SPDYA: variants seen among roughly 807,000 people sequenced by gnomAD.
The protein encoded by SPDYA is speedy/RINGO cell cycle regulator family member A.
A neutral mutation model predicts 36.7 loss-of-function variants in SPDYA; 11 were observed. The ratio of observed to expected loss-of-function variants is 0.30; its 90% confidence interval spans 0.19 to 0.50. SPDYA has a LOEUF of 0.50. Among genes scored for constraint, SPDYA ranks in the 20% least tolerant of loss-of-function variants. The pLI is 0.98. For missense variants in SPDYA, 287 were observed against 370.9 expected (o/e 0.77, Z 1.86); for synonymous variants, 115 against 118.7 (o/e 0.97, Z 0.20).
chr2:28,814,506 CTGTTT>C (rs923932234), intron 1 of SPDYA, 102 bp from the exon 2 acceptor site: 11 of 152,170 alleles, frequency 7.2e-5, no homozygotes, highest in African/African-American at 2.4e-4. Flanking sequence ...GTAATTTTAT[CTGTTT>C]TGTTTTGTAA....
intron 4 of SPDYA, among the ~76,000 whole-genome samples, chr2:28,820,936 T>C (rs865782991): frequency 5.3e-5 from 8 of 152,180 alleles, no homozygotes; most frequent in Non-Finnish European, 7.3e-5. Flanking sequence ...AGAGCCTCCA[T>C]ATGCATCTCA....
intron 3 of SPDYA, 149 bp from the exon 4 acceptor site, chr2:28,818,899 G>A: frequency 1.7e-6 from 1 of 581,994 alleles, no homozygotes; most frequent in African/African-American, 1.9e-5. Context: ...ATACACCAAA[G>A]AACTGAAAAC....
chr2:28,830,152 C>T (rs1281307499), intron 6 of SPDYA, among the ~76,000 whole-genome samples: 1 of 148,680 alleles, frequency 6.7e-6, no homozygotes, highest in Non-Finnish European at 1.5e-5. Context: ...AACAAACAAA[C>T]AAATTGTCAT....
At chr2:28,814,507 T>G (rs1354666693) in intron 1 of SPDYA, 106 bp from the exon 2 acceptor site, 8 of 152,194 alleles carry the variant, frequency 5.3e-5, no homozygotes, top group African/African-American at 1.9e-4. Context: ...TAATTTTATC[T>G]GTTTTGTTTT....
Position 28,829,164 on chromosome 2 carries a change from G to C in SPDYA, c.397G>C (p.Val133Leu). 1 of 1,613,560 alleles carries C rather than the reference G, an allele frequency of 6.2e-7. No homozygotes were observed. Among genetic ancestry groups the C allele is most frequent in the Non-Finnish European group, 8.5e-7 (1 of 1,179,892 alleles). ...FFIALYLANT[V>L]EEDEEETKYE... ...CTTTGTTAGGTATCTGGCTAATACA[G>C]TTGAAGAAGATGAAGAAGAAACCAA... is the stretch of plus-strand genomic sequence containing the variant. Residue 133 changes from valine to leucine, a missense_variant, in exon 6 of 8, where the codon GTT becomes CTT. Transcript: ENST00000334056.
In SPDYA at chr2:28,835,129, G is replaced by A. The variant is rs112791003; in HGVS notation, c.553-5043G>A. ...AGGCTGCCAGCTGCAGTGTGCAATC[G>A]TAGCTCACTGCAACCTTGAACTCCT... On this transcript the variant is annotated intron_variant, in intron 6 of 7. Coordinates refer to ENST00000334056, the MANE Select transcript of SPDYA (RefSeq NM_182756.4). 6.5e-3 allele frequency among the ~76,000 whole-genome samples: 986 copies of A among 151,880 alleles called. 9 individuals are homozygous for A. Among genetic ancestry groups the A allele is most frequent in the African/African-American group, 0.018 (759 of 41,406 alleles).
At chr2:28,834,892 G>T (rs1190483948) in intron 6 of SPDYA, among the ~76,000 whole-genome samples, 2 of 152,160 alleles carry the variant, frequency 1.3e-5, no homozygotes, top group African/African-American at 4.8e-5. Context: ...ATTAAAAGTA[G>T]TTCCTCCCAC....
chr2:28,835,579 A>G (rs1668577425), intron 6 of SPDYA, among the ~76,000 whole-genome samples: 3 of 152,238 alleles, frequency 2.0e-5, no homozygotes, highest in Admixed American at 2.0e-4. Flanking sequence ...TGCCTGGCAC[A>G]TAGTGGGTAG....
intron 7 of SPDYA, among the ~76,000 whole-genome samples, chr2:28,841,560 T>C (rs1668750563): frequency 1.3e-5 from 2 of 152,184 alleles, no homozygotes; most frequent in Admixed American, 6.5e-5. Context: ...AATTCTATCA[T>C]GAGAAATTAA....
At chr2:28,816,342 A>G (rs1467843029) in intron 3 of SPDYA, 93 bp downstream of exon 3, 1 of 970,962 alleles carries the variant, frequency 1.0e-6, no homozygotes, top group Admixed American at 3.4e-5. Context: ...CAAAGAGGAT[A>G]TCATTATTTT....
chr2:28,825,410 A>G (rs1668291984), intron 5 of SPDYA, among the ~76,000 whole-genome samples: 1 of 152,210 alleles, frequency 6.6e-6, no homozygotes, highest in South Asian at 2.1e-4. Flanking sequence ...ATGTTGTATT[A>G]TGTAAGCTCC....
At chr2:28,826,949 CTTTT>C in intron 5 of SPDYA, among the ~76,000 whole-genome samples, 1 of 113,818 alleles carries the variant, frequency 8.8e-6, no homozygotes, top group African/African-American at 3.4e-5. Context: ...TCTTTTCTTT[CTTTT>C]TTTTTTTTTT....
Position 28,816,170 on chromosome 2 carries a change from T to G in SPDYA, c.156T>G (p.Asn52Lys). 2 of 1,614,008 alleles carry G rather than the reference T, an allele frequency of 1.2e-6. No homozygotes were observed. Among genetic ancestry groups the G allele is most frequent in the African/African-American group, 2.7e-5 (2 of 75,056 alleles). ...AAGCATTTGAAAAAAATACACATAA[T>G]AACAACAAATCTAAACGCCCCAAAG... ...NWQAFEKNTH[N>K]NNKSKRPKGP... Residue 52 changes from asparagine (N) to lysine (K), a missense_variant, in exon 3 of 8, where the codon AAT (asparagine) becomes AAG (lysine). Asn to Lys is a moderately conservative substitution (Grantham distance 94). Coordinates refer to ENST00000334056, the MANE Select transcript of SPDYA (RefSeq NM_182756.4).
intron 7 of SPDYA, among the ~76,000 whole-genome samples, chr2:28,848,625 CCT>C (rs1324421435): frequency 2.6e-5 from 4 of 152,068 alleles, no homozygotes; most frequent in African/African-American, 9.7e-5. Context: ...TTTAAAATGT[CCT>C]ACGTTCTATA....
At chr2:28,825,462 AATC>A (rs1668293350) in intron 5 of SPDYA, among the ~76,000 whole-genome samples, 1 of 152,164 alleles carries the variant, frequency 6.6e-6, no homozygotes, top group African/African-American at 2.4e-5. Flanking sequence ...TTTTAAGACT[AATC>A]ATACTTTTTG....
At chr2:28,841,645 A>G (rs966535109) in intron 7 of SPDYA, among the ~76,000 whole-genome samples, 1 of 152,326 alleles carries the variant, frequency 6.6e-6, no homozygotes, top group Admixed American at 6.5e-5. Context: ...CTGAAGCTTT[A>G]CTAAAGGAGA....
chr2:28,845,275 T>C (rs967353359), intron 7 of SPDYA, among the ~76,000 whole-genome samples: 2 of 150,664 alleles, frequency 1.3e-5, no homozygotes, highest in Non-Finnish European at 3.0e-5. Flanking sequence ...CTTTTTTTTT[T>C]TGTAGAGACT....
chr2:28,816,951 A>G (rs910810403), intron 3 of SPDYA, among the ~76,000 whole-genome samples: 1 of 152,086 alleles, frequency 6.6e-6, no homozygotes, highest in Non-Finnish European at 1.5e-5. Context: ...GGAGTAATGA[A>G]TCAAGTCAAG....
chr2:28,819,838 AAAAAAAAAAAAATATATATATATATATAT>A (rs1271874655), intron 4 of SPDYA, among the ~76,000 whole-genome samples: 8 of 49,600 alleles, frequency 1.6e-4, no homozygotes, highest in African/African-American at 6.7e-4. Context: ...AAAAAAAAAA[AAAAAAAAAAAAATATATATATATATATAT>A]ATATATATAT....
Sources: allele counts gnomAD v4.1 joint callset (sites outside exome capture counted in the v4.1 genomes callset), GRCh38; gene constraint gnomAD v4.1.1; transcripts MANE v1.5; gene names NCBI Gene and HGNC (gene_info 2026-07-23, HGNC 2026-07-21).